Variants in PHF3 observed in about 807,000 individuals in gnomAD.
The protein encoded by PHF3 is PHD finger protein 3.
A neutral mutation model predicts 178.4 loss-of-function variants in PHF3; 41 were observed. The ratio of observed to expected loss-of-function variants is 0.23; its 90% CI spans 0.18 to 0.30. PHF3 has a LOEUF of 0.30. Ranked by LOEUF, PHF3 falls within the 10% of genes least tolerant of loss-of-function variation. The probability of loss-of-function intolerance (pLI) is 1.00; values close to 1 mark genes in which losing one functional copy is unlikely to be tolerated. For synonymous variants in PHF3, 842 were observed against 800.5 expected (o/e 1.05, Z -0.88); for missense variants, 2,346 against 2,398.1 (o/e 0.98, Z 0.45).
chr6:63,680,799 A>G (rs1017994123), intron 3 of PHF3, among the ~76,000 whole-genome samples: 1 of 151,922 alleles, frequency 6.6e-6, no homozygotes, highest in Non-Finnish European at 1.5e-5. Context: ...TATTGAAAAC[A>G]CCTCTTGGAG....
chr6:63,679,901 G>A (rs1766351004), intron 2 of PHF3, 99 bp from the exon 3 acceptor site: 1 of 957,348 alleles, frequency 1.0e-6, no homozygotes. Flanking sequence ...AGTATGTAGT[G>A]TTACATTAAG....
In PHF3 at chr6:63,660,280, C is replaced by T. The variant is rs181214233; in HGVS notation, c.244+13485C>T. Among the ~76,000 whole-genome samples, 11 of 151,804 alleles carry T rather than the reference C, an allele frequency of 7.2e-5. No homozygotes were observed. The South Asian group carries it at 1.3e-3, about 17-fold the overall frequency. ...CCTTTGATAAATGCCAACAGGTAGA[C>T]GTGTACTGCAAGCTACTTGAACCCT... On this transcript the variant is annotated intron_variant, in intron 2 of 15. Transcript: ENST00000262043.
At chr6:63,684,076 A>G (rs1766557570) in intron 3 of PHF3, 53 bp from the exon 4 acceptor site, 2 of 1,337,802 alleles carry the variant, frequency 1.5e-6, no homozygotes, top group African/African-American at 1.5e-5. Flanking sequence ...TTGAAATAAA[A>G]GCACATGACA....
Position 63,680,165 on chromosome 6 carries a change from A to G in PHF3, c.406+4A>G, listed in dbSNP as rs760967733. ...TCACCTCGTTTAATGGCACAAGGTA[A>G]TCCTTTGAGAGAGGTCTAGCTAGAA... On this transcript the variant is annotated splice_donor_region_variant and intron_variant, in intron 3 of 15. Coordinates refer to ENST00000262043, the MANE Select transcript of PHF3 (RefSeq NM_001370348.2). 6.3e-7 allele frequency: 1 copy of G among 1,596,782 alleles called. No individual in the cohort carries two copies. Among genetic ancestry groups the G allele is most frequent in the Non-Finnish European group, 8.5e-7 (1 of 1,173,382 alleles).
chr6:63,658,116 G>A (rs956077238), intron 2 of PHF3, among the ~76,000 whole-genome samples: 11 of 151,964 alleles, frequency 7.2e-5, no homozygotes, highest in Admixed American at 4.6e-4. Context: ...CAGTATTAAA[G>A]TATTAAGGCT....
chr6:63,723,040 A>T lies in PHF3; in HGVS notation c.*9332A>T, dbSNP rs1768466376. Among the ~76,000 whole-genome samples the T allele has an allele frequency of 6.6e-6, 1 of 152,212 alleles. No individual in the cohort carries two copies. The highest frequency in any genetic ancestry group is 1.5e-5 in the Non-Finnish European group (1 of 68,038). ...GTTGATTCCCAGCACCCAAAACGGT[A>T]TCTGGCCCATAAATAGATGCTAAAT... On this transcript the variant is annotated 3_prime_UTR_variant, in exon 16 of 16. Transcript: ENST00000262043.
In PHF3 at chr6:63,714,902, T is replaced by C. The variant is rs928693661; in HGVS notation, c.*1194T>C. ...TGAAAAAAAAATATGAAAACTATTG[T>C]TAATTCAAATCTAAATTTATTTAAA... On this transcript the variant is annotated 3_prime_UTR_variant, in exon 16 of 16. Transcript: ENST00000262043. The C allele has an allele frequency of 3.9e-5, 6 of 152,026 alleles. No individual in the cohort carries two copies. Among genetic ancestry groups the C allele is most frequent in the African/African-American group, 1.2e-4 (5 of 41,358 alleles). The allele number at this position is 152,026 out of a possible 1,614,324, so 9.4% of individuals were successfully genotyped here. A position where few individuals can be genotyped will look rare whatever the true frequency, so the allele number is the denominator to read the frequency against.
chr6:63,660,995 ACAG>A (rs952552186), intron 2 of PHF3, among the ~76,000 whole-genome samples: 11 of 152,136 alleles, frequency 7.2e-5, no homozygotes, highest in African/African-American at 2.7e-4. Context: ...GCCATGGGTG[ACAG>A]AGTTCTTTGT....
At chr6:63,649,968 T>A (rs1181791546) in intron 2 of PHF3, among the ~76,000 whole-genome samples, 1 of 152,250 alleles carries the variant, frequency 6.6e-6, no homozygotes, top group East Asian at 1.9e-4. Flanking sequence ...ATGTTTATTT[T>A]ATCTCTCATT....
intron 6 of PHF3, among the ~76,000 whole-genome samples, chr6:63,696,757 C>G (rs1203542290): frequency 6.6e-6 from 1 of 152,086 alleles, no homozygotes; most frequent in Non-Finnish European, 1.5e-5. Context: ...TGACCAAATG[C>G]TGTCTGGACA....
rs1768053807 is a variant in PHF3, at chr6:63,713,361, A to G, written c.5773A>G (p.Ser1925Gly). The G allele has an allele frequency of 6.2e-7, 1 of 1,614,082 alleles. No individual in the cohort carries two copies. Among genetic ancestry groups the G allele is most frequent in the Non-Finnish European group, 8.5e-7 (1 of 1,179,986 alleles). Residue 1925 changes from serine to glycine, a missense_variant, in exon 16 of 16, where the codon AGT (serine) becomes GGT (glycine). This residue lies in a region of PHF3 where 839 missense variants were observed against 806.9 expected (regional missense o/e 1.04). Transcript: ENST00000262043. ...TAAAGGGGACCGCCAGAGATTTTAT[A>G]GTGATTCACACCATTTGAAAAGAGA... ...RGKGDRQRFY[S>G]DSHHLKRERH...
chr6:63,684,228 C>G lies in PHF3; in HGVS notation c.506C>G (p.Ala169Gly), dbSNP rs769933951. 1.2e-6 allele frequency: 2 copies of G among 1,613,960 alleles called. No individual in the cohort carries two copies. The highest frequency in any genetic ancestry group is 2.2e-5 in the East Asian group (1 of 44,870). Residue 169 changes from alanine (A) to glycine (G), a missense_variant, in exon 4 of 16, where the codon GCT (alanine) becomes GGT (glycine). Ala to Gly is a moderately conservative substitution (Grantham distance 60). Transcript: ENST00000262043. ...KKASGKTVSTAKAGVKQPERS... is the reference protein window; with the variant it reads ...KKASGKTVSTGKAGVKQPERS... Reference sequence around the variant, plus strand: ...GCATCTGGGAAGACTGTATCTACTGCTAAAGCAGGAGTGAAACAACCAGAA... The same window carrying G: ...GCATCTGGGAAGACTGTATCTACTGGTAAAGCAGGAGTGAAACAACCAGAA...
intron 15 of PHF3, 57 bp from the exon 16 acceptor site, chr6:63,711,529 C>A: frequency 6.8e-7 from 1 of 1,479,688 alleles, no homozygotes; most frequent in South Asian, 1.4e-5. Context: ...CAGAATTTTA[C>A]CTTTTTTTGC....
chr6:63,713,646 A>G lies in PHF3; in HGVS notation c.6058A>G (p.Lys2020Glu), dbSNP rs1468112380. 1.9e-6 allele frequency: 3 copies of G among 1,611,536 alleles called. No homozygotes were observed. The highest frequency in any genetic ancestry group is 2.5e-6 in the Non-Finnish European group (3 of 1,179,288). ...REKSKHREGE[K>E]DRDRYHKDRD... ...GAAAAGTAAACACAGAGAAGGAGAA[A>G]AGGACAGGGATAGGTACCACAAAGA... Residue 2020 changes from lysine to glutamate, a missense_variant, in exon 16 of 16, where the codon AAG (lysine) becomes GAG (glutamate). By Grantham distance (56) the Lys-to-Glu change is moderately conservative (BLOSUM62 1). Coordinates refer to ENST00000262043, the MANE Select transcript of PHF3 (RefSeq NM_001370348.2).
chr6:63,696,850 G>A (rs1767249389), intron 6 of PHF3, among the ~76,000 whole-genome samples: 1 of 152,154 alleles, frequency 6.6e-6, no homozygotes, highest in Non-Finnish European at 1.5e-5. Context: ...AATGGTTTCG[G>A]TGGAGCAGTA....
chr6:63,651,656 C>G (rs902123496), intron 2 of PHF3, among the ~76,000 whole-genome samples: 10 of 152,154 alleles, frequency 6.6e-5, no homozygotes, highest in African/African-American at 2.4e-4. Flanking sequence ...GCCACTGTGC[C>G]CTGCCTAGTT....
In PHF3 at chr6:63,689,441, G is replaced by C. The variant is rs560383713; in HGVS notation, c.2190-2296G>C. Among the ~76,000 whole-genome samples, 4 of 152,210 alleles carry C rather than the reference G, an allele frequency of 2.6e-5. No homozygotes were observed. The East Asian group carries it at 7.7e-4, about 29-fold the overall frequency. On this transcript the variant is annotated intron_variant, in intron 4 of 15. Transcript: ENST00000262043. ...TTTCAAACAAGAAAACTTCTGAGAA[G>C]AAATTTTCTTCTAGAACAAATGATT...
intron 3 of PHF3, among the ~76,000 whole-genome samples, chr6:63,683,636 G>T (rs937284081): frequency 6.6e-6 from 1 of 152,060 alleles, no homozygotes; most frequent in Non-Finnish European, 1.5e-5. Flanking sequence ...GTTTGAGGCT[G>T]TATTTTGAAA....
intron 3 of PHF3, among the ~76,000 whole-genome samples, chr6:63,680,400 T>A (rs1454115482): frequency 1.5e-5 from 2 of 132,716 alleles, no homozygotes; most frequent in African/African-American, 6.2e-5. Flanking sequence ...CTGGTTTAAT[T>A]TTTTTTTTTT....
Sources: allele counts gnomAD v4.1 joint callset (sites outside exome capture counted in the v4.1 genomes callset), GRCh38; gene constraint gnomAD v4.1.1; regional missense constraint gnomAD v4.1.1; transcripts MANE v1.5; gene names NCBI Gene and HGNC (gene_info 2026-07-23, HGNC 2026-07-21).